The following MIA3 variants were observed in gnomAD, a reference collection of about 807,000 sequenced individuals.
MIA3 encodes the protein transport and Golgi organization protein 1 homolog.
In MIA3, 90 loss-of-function variants were observed where a neutral mutation model predicts 192.4. That is an observed-to-expected ratio of 0.47 (90% CI 0.39 to 0.56). The LOEUF (loss-of-function observed/expected upper bound fraction) is 0.56. MIA3 is among the 20% of genes least tolerant of loss of function. The pLI is 0.00. For synonymous variants in MIA3, 740 were observed against 792.8 expected (o/e 0.93, Z 1.12); for missense variants, 2,123 against 2,269.4 (o/e 0.94, Z 1.31).
intron 19 of MIA3, chr1:222,659,078 C>T (rs745908794): frequency 2.3e-6 from 1 of 433,950 alleles, no homozygotes; most frequent in Non-Finnish European, 4.1e-6. Context: ...TATGATGTAT[C>T]AAAAGCCATT....
chr1:222,618,933 C>A (rs1370829026), intron 1 of MIA3, among the ~76,000 whole-genome samples: 1 of 152,170 alleles, frequency 6.6e-6, no homozygotes, highest in Non-Finnish European at 1.5e-5. Context: ...TTTGATCAAT[C>A]CTGTCGTTTC....
At chr1:222,652,875 A>C in intron 13 of MIA3, 133 bp from the exon 14 acceptor site, 2 of 918,764 alleles carry the variant, frequency 2.2e-6, no homozygotes, top group Non-Finnish European at 3.2e-6. Flanking sequence ...CCTCCCACTT[A>C]ACCAAGGTCT....
intron 1 of MIA3, among the ~76,000 whole-genome samples, chr1:222,620,623 C>G (rs957247612): frequency 2.6e-5 from 4 of 152,188 alleles, no homozygotes; most frequent in African/African-American, 9.7e-5. Flanking sequence ...GTGTTTACTG[C>G]TACATAGTAC....
Position 222,627,771 on chromosome 1 carries a change from C to A in MIA3, c.551C>A (p.Ala184Asp). ...EREPEPEPVEANSEESDSVFS... is the reference protein window; with the variant it reads ...EREPEPEPVEDNSEESDSVFS... ...GAACCTGAACCTGAACCAGTAGAAG[C>A]CAACTCAGAGGAAAGTGATAGTGTA... The change falls in exon 4 of 28, where the codon GCC becomes GAC. Residue 184 changes from alanine to aspartate, a missense_variant. Physicochemically the swap from Ala to Asp is moderately radical, Grantham distance 126. Coordinates refer to ENST00000344922, the MANE Select transcript of MIA3 (RefSeq NM_198551.4). The A allele has an allele frequency of 6.2e-7, 1 of 1,613,246 alleles. No homozygotes were observed. The highest frequency in any genetic ancestry group is 8.5e-7 in the Non-Finnish European group (1 of 1,179,808).
Position 222,623,040 on chromosome 1 carries a change from T to C in MIA3, c.268-1728T>C, listed in dbSNP as rs556994341. Among the ~76,000 whole-genome samples the C allele has an allele frequency of 2.8e-4, 43 of 152,360 alleles. No homozygotes were observed. In the South Asian group the frequency reaches 5.4e-3, roughly 19 times the overall value. ...AGCTCACGTAAAGTGAAAGACTCTT[T>C]AATGGAAAGGCTCATGCCTTATCTG... is the stretch of plus-strand genomic sequence containing the variant. On this transcript the variant is annotated intron_variant, in intron 2 of 27. Coordinates refer to ENST00000344922, the MANE Select transcript of MIA3 (RefSeq NM_198551.4).
chr1:222,667,612 T>C lies in MIA3; in HGVS notation c.*1993T>C, dbSNP rs1664347265. On this transcript the variant is annotated 3_prime_UTR_variant, in exon 28 of 28. Transcript: ENST00000344922. ...TTCCAGTGTAGCTTCTCTGAGAAGTTGTGAGCCAGTCCATAACTGCTTCCT... is the reference window on the plus strand; with the variant it reads ...TTCCAGTGTAGCTTCTCTGAGAAGTCGTGAGCCAGTCCATAACTGCTTCCT... The C allele has an allele frequency of 6.6e-6, 1 of 152,226 alleles. No homozygotes were observed. Among genetic ancestry groups the C allele is most frequent in the Non-Finnish European group, 1.5e-5 (1 of 68,042 alleles). The allele number at this position is 152,226 out of a possible 1,614,324, so 9.4% of individuals were successfully genotyped here.
chr1:222,656,819 C>T (rs1310187161), intron 18 of MIA3, among the ~76,000 whole-genome samples: 1 of 152,184 alleles, frequency 6.6e-6, no homozygotes, highest in Non-Finnish European at 1.5e-5. Context: ...TGCTAAAAAT[C>T]TCACCTCAGT....
In MIA3 at chr1:222,651,990, A is replaced by G; in HGVS notation, c.3923A>G (p.Lys1308Arg). The part of the protein sequence containing the change: ...VKNQDLISEN[K>R]KSIEKLKDVI... ...TTTACATGGCAGATATCAGAAAACA[A>G]GAAATCTATAGAGAAGTTAAAGGAT... Residue 1308 changes from lysine to arginine, a missense_variant, in exon 12 of 28, where the codon AAG becomes AGG. Physicochemically the swap from Lys to Arg is conservative, Grantham distance 26. This residue lies in a region of MIA3 where 762 missense variants were observed against 856.4 expected (regional missense o/e 0.89). Coordinates refer to ENST00000344922, the MANE Select transcript of MIA3 (RefSeq NM_198551.4). 6.4e-7 allele frequency: 1 copy of G among 1,569,570 alleles called. No homozygotes were observed. Among genetic ancestry groups the G allele is most frequent in the African/African-American group, 1.4e-5 (1 of 74,050 alleles).
chr1:222,624,650 A>G, intron 2 of MIA3, 118 bp from the exon 3 acceptor site: 1 of 618,602 alleles, frequency 1.6e-6, no homozygotes, highest in Non-Finnish European at 3.0e-6. Flanking sequence ...TAATGACATT[A>G]CAAGAAAAAG....
intron 17 of MIA3, 57 bp from the exon 18 acceptor site, chr1:222,654,598 C>G: frequency 6.3e-7 from 1 of 1,592,606 alleles, no homozygotes; most frequent in Non-Finnish European, 8.6e-7. Flanking sequence ...CAGCCCCCAA[C>G]CAAGTTCTCA....
rs1663861222 is a variant in MIA3, at chr1:222,658,784, A to G, written c.4670A>G (p.Glu1557Gly). Residue 1557 changes from glutamate (E) to glycine (G), a missense_variant, in exon 19 of 28, where the codon GAA becomes GGA. Glu to Gly is a moderately conservative substitution (Grantham distance 98). Around this residue, in one of 3 missense-constraint regions of MIA3, gnomAD observed 762 missense variants for 856.4 expected, o/e 0.89. Coordinates refer to ENST00000344922, the MANE Select transcript of MIA3 (RefSeq NM_198551.4). ...EREHRLSAADEKAVSAAEEVK... is the reference protein window; with the variant it reads ...EREHRLSAADGKAVSAAEEVK... The stretch of plus-strand genomic sequence containing the variant: ...GAGCACAGGCTGTCAGCTGCAGATG[A>G]AAAGGCAGTTTCGGCTGCAGAGGAA... 1 of 1,613,328 alleles carries G rather than the reference A, an allele frequency of 6.2e-7. No homozygotes were observed. Among genetic ancestry groups the G allele is most frequent in the Non-Finnish European group, 8.5e-7 (1 of 1,179,538 alleles).
intron 20 of MIA3, 40 bp downstream of exon 20, chr1:222,659,553 CT>C (rs1663903880): frequency 6.2e-7 from 1 of 1,610,874 alleles, no homozygotes. Context: ...GCCCGGAATT[CT>C]TTGATAACTA....
intron 2 of MIA3, among the ~76,000 whole-genome samples, chr1:222,622,428 A>G (rs1432692405): frequency 2.0e-5 from 3 of 152,094 alleles, no homozygotes; most frequent in African/African-American, 7.3e-5. Context: ...ACCCATCCCG[A>G]CTATGAAAGT....
rs1571916668 is a variant in MIA3, at chr1:222,665,855, A to G, written c.*236A>G. The stretch of plus-strand genomic sequence containing the variant: ...CTTACAACTTTGAAATGTGCAATAA[A>G]GAATACCTGTGTTTTAGCTAATGTA... On this transcript the variant is annotated 3_prime_UTR_variant, in exon 28 of 28. Transcript: ENST00000344922. 2 of 386,112 alleles carry G rather than the reference A, an allele frequency of 5.2e-6. No homozygotes were observed. The highest frequency in any genetic ancestry group is 8.1e-5 in the East Asian group (2 of 24,842). The allele number at this position is 386,112 out of a possible 1,614,324, so 23.9% of individuals were successfully genotyped here. A position where few individuals can be genotyped will look rare whatever the true frequency, so the allele number is the denominator to read the frequency against.
intron 4 of MIA3, among the ~76,000 whole-genome samples, chr1:222,631,765 G>A (rs1662407310): frequency 6.6e-6 from 1 of 152,110 alleles, no homozygotes; most frequent in South Asian, 2.1e-4. Flanking sequence ...GAATGTCCCT[G>A]TCTGTACTAG....
intron 26 of MIA3, chr1:222,662,585 TCTTA>T: frequency 6.3e-6 from 6 of 947,724 alleles, no homozygotes; most frequent in Non-Finnish European, 8.5e-6. Context: ...GCAATATTGA[TCTTA>T]CTTTTATCCT....
chr1:222,657,712 A>C (rs1343486787), intron 18 of MIA3, among the ~76,000 whole-genome samples: 1 of 152,212 alleles, frequency 6.6e-6, no homozygotes, highest in Non-Finnish European at 1.5e-5. Flanking sequence ...TTACACATTC[A>C]GCTGTGAGCT....
At chr1:222,618,379 C>G in intron 1 of MIA3, 136 bp downstream of exon 1, 1 of 925,590 alleles carries the variant, frequency 1.1e-6, no homozygotes, top group Non-Finnish European at 1.4e-6. Context: ...GCCCGGGGGT[C>G]GCAGGCGGGA....
In MIA3 at chr1:222,631,440, A is replaced by T. The variant is rs1662394147; in HGVS notation, c.3170-725A>T. ...TGGTATATCCAGGCTTTTCAGACAG[A>T]TGTATCTGAATTGAGAGTACCAAGG... On this transcript the variant is annotated intron_variant, in intron 4 of 27. Coordinates refer to ENST00000344922, the MANE Select transcript of MIA3 (RefSeq NM_198551.4). 2.0e-5 allele frequency among the ~76,000 whole-genome samples: 3 copies of T among 152,146 alleles called. No homozygotes were observed. The South Asian group carries it at 6.2e-4, about 32-fold the overall frequency.
Sources: allele counts gnomAD v4.1 joint callset (sites outside exome capture counted in the v4.1 genomes callset), GRCh38; gene constraint gnomAD v4.1.1; regional missense constraint gnomAD v4.1.1; transcripts MANE v1.5; gene names NCBI Gene and HGNC (gene_info 2026-07-23, HGNC 2026-07-21).